The following IGSF11 variants were observed in gnomAD, a reference collection of about 807,000 sequenced individuals.
IGSF11 encodes the protein CXADR like 1.
In IGSF11, 22 loss-of-function variants were observed where a neutral mutation model predicts 41.0. That is an observed-to-expected ratio of 0.54 (90% CI 0.38 to 0.77). The LOEUF (loss-of-function observed/expected upper bound fraction) is 0.77. Among genes scored for constraint, IGSF11 ranks in the 30% least tolerant of loss-of-function variants. IGSF11 has a pLI of 0.00. For missense variants in IGSF11, 444 were observed against 530.8 expected (o/e 0.84, Z 1.61); for synonymous variants, 219 against 201.3 (o/e 1.09, Z -0.74).
chr3:119,002,364 G>A lies in IGSF11; in HGVS notation c.52+32167C>T, dbSNP rs1417676773. ...TTTGTTTGAGTTCTTTGTAGATTCT[G>A]GATATTAGCCCTTTGTCAGATGAGT... is the stretch of plus-strand genomic sequence containing the variant. On this transcript the variant is annotated intron_variant, in intron 1 of 6. Coordinates refer to ENST00000393775, the MANE Select transcript of IGSF11 (RefSeq NM_001015887.3). 1.3e-4 allele frequency among the ~76,000 whole-genome samples: 20 copies of A among 151,220 alleles called. 1 individual carries two copies. The highest frequency in any genetic ancestry group is 3.3e-4 in the Admixed American group (5 of 15,216).
intron 1 of IGSF11, among the ~76,000 whole-genome samples, chr3:119,033,401 GTTA>G (rs1360346201): frequency 1.3e-5 from 2 of 152,170 alleles, no homozygotes; most frequent in African/African-American, 4.8e-5. Flanking sequence ...ACATATTGAT[GTTA>G]TTGTGTGCAC....
chr3:118,959,976 C>T (rs372891769), intron 1 of IGSF11, among the ~76,000 whole-genome samples: 4 of 149,908 alleles, frequency 2.7e-5, no homozygotes, highest in Non-Finnish European at 5.9e-5. Context: ...AGCTGGGAGG[C>T]GGAGCTTGCA....
intron 1 of IGSF11, among the ~76,000 whole-genome samples, chr3:118,946,456 A>G (rs76639529): frequency 0.025 from 3,758 of 151,958 alleles, 87 homozygotes; most frequent in East Asian, 0.065. Context: ...TAAAAAAAAA[A>G]AAGAAGAAGA....
At chr3:118,945,754 A>G (rs1044474393) in intron 1 of IGSF11, 7 of 152,152 alleles carry the variant, frequency 4.6e-5, no homozygotes. Context: ...AAATAAATAA[A>G]ATTTTAAACA....
intron 1 of IGSF11, among the ~76,000 whole-genome samples, chr3:119,008,527 G>A (rs769474514): frequency 1.4e-5 from 2 of 144,466 alleles, no homozygotes; most frequent in Non-Finnish European, 2.9e-5. Flanking sequence ...GGAGGAGGAA[G>A]TTTTTAGGAG....
intron 1 of IGSF11, among the ~76,000 whole-genome samples, chr3:118,955,515 T>C (rs1270821460): frequency 6.6e-6 from 1 of 152,152 alleles, no homozygotes; most frequent in East Asian, 1.9e-4. Context: ...GGATCCAGTT[T>C]CATTAGCTGT....
chr3:119,138,444 G>A (rs2077593538), intron 1 of IGSF11, among the ~76,000 whole-genome samples: 1 of 152,186 alleles, frequency 6.6e-6, no homozygotes. Context: ...TAACACTTTG[G>A]GAGGCCAAAG....
intron 1 of IGSF11, among the ~76,000 whole-genome samples, chr3:118,997,545 A>AC (rs1349747337): frequency 1.6e-5 from 1 of 63,290 alleles, no homozygotes. Context: ...CAGCCACACC[A>AC]CCCCCCTCCC....
chr3:118,942,346 T>A (rs1365380244), intron 1 of IGSF11, among the ~76,000 whole-genome samples: 3 of 152,292 alleles, frequency 2.0e-5, no homozygotes, highest in South Asian at 2.1e-4. Flanking sequence ...GATGTCCCAG[T>A]GCTATATCAG....
intron 1 of IGSF11, among the ~76,000 whole-genome samples, chr3:119,131,562 A>C (rs2077481988): frequency 6.6e-6 from 1 of 152,244 alleles, no homozygotes; most frequent in African/African-American, 2.4e-5. Flanking sequence ...GAAAAGACCA[A>C]ATCTACGTTT....
intron 1 of IGSF11, among the ~76,000 whole-genome samples, chr3:119,021,487 T>C (rs1939281883): frequency 6.6e-6 from 1 of 152,194 alleles, no homozygotes; most frequent in South Asian, 2.1e-4. Flanking sequence ...ACTTATTTAT[T>C]AATAAGAGTT....
At chr3:118,912,973 C>T (rs949955824) in intron 4 of IGSF11, among the ~76,000 whole-genome samples, 1 of 151,724 alleles carries the variant, frequency 6.6e-6, no homozygotes, top group Non-Finnish European at 1.5e-5. Context: ...GCACTGCAGC[C>T]TGGATGACAG....
chr3:119,016,520 G>C (rs567017093), intron 1 of IGSF11, among the ~76,000 whole-genome samples: 1 of 152,272 alleles, frequency 6.6e-6, no homozygotes, highest in East Asian at 1.9e-4. Flanking sequence ...AAAATATTTA[G>C]AATGCTGAAG....
At chr3:119,061,494 A>AT (rs1942050508) in intron 1 of IGSF11, among the ~76,000 whole-genome samples, 1 of 152,260 alleles carries the variant, frequency 6.6e-6, no homozygotes, top group East Asian at 1.9e-4. Flanking sequence ...TCACCCTTGC[A>AT]TCCTCCAAGT....
chr3:118,914,436 T>A (rs1415860416), intron 4 of IGSF11, among the ~76,000 whole-genome samples: 2 of 151,374 alleles, frequency 1.3e-5, no homozygotes, highest in East Asian at 3.9e-4. Flanking sequence ...AGGCATTGCC[T>A]CACCTGGGAA....
rs182238804 is a variant in IGSF11 at position 118,997,610 on chromosome 3, T to A, written c.52+36921A>T. Among the ~76,000 whole-genome samples the A allele has an allele frequency of 2.4e-3, 343 of 143,154 alleles. 3 individuals are homozygous for A. The highest frequency in any genetic ancestry group is 8.3e-3 in the African/African-American group (327 of 39,358). 93.9% of individuals were successfully genotyped at this position (143,154 alleles called of 152,430 possible). A position where few individuals can be genotyped will look rare whatever the true frequency, so the allele number is the denominator to read the frequency against. On this transcript the variant is annotated intron_variant, in intron 1 of 6. Coordinates refer to ENST00000393775, the MANE Select transcript of IGSF11 (RefSeq NM_001015887.3). Reference sequence around the variant, plus strand: ...AAATGACTTCTCTATTAGTTAATCATGAATCTTACCTGACTCTCAGACAGC... The same window carrying A: ...AAATGACTTCTCTATTAGTTAATCAAGAATCTTACCTGACTCTCAGACAGC...
intron 1 of IGSF11, among the ~76,000 whole-genome samples, chr3:119,026,853 T>A (rs1296891333): frequency 6.6e-6 from 1 of 152,208 alleles, no homozygotes; most frequent in East Asian, 1.9e-4. Context: ...ACTATGGTTA[T>A]TCAAACTTAT....
upstream of IGSF11, among the ~76,000 whole-genome samples, chr3:119,037,327 G>A (rs1940954287): frequency 1.3e-5 from 2 of 152,102 alleles, no homozygotes; most frequent in East Asian, 1.9e-4. Flanking sequence ...ACCCAGGGGG[G>A]ATGGGTAAGG....
intron 4 of IGSF11, among the ~76,000 whole-genome samples, chr3:118,907,637 A>G (rs992222850): frequency 1.3e-5 from 2 of 152,226 alleles, no homozygotes; most frequent in East Asian, 1.9e-4. Context: ...TACCACATAC[A>G]CTGCACTAAC....
Sources: allele counts gnomAD v4.1 joint callset (sites outside exome capture counted in the v4.1 genomes callset), GRCh38; gene constraint gnomAD v4.1.1; transcripts MANE v1.5; gene names NCBI Gene and HGNC (gene_info 2026-07-23, HGNC 2026-07-21).